Variants in UCHL3 observed in about 807,000 individuals in gnomAD.
The protein encoded by UCHL3 is ubiquitin C-terminal hydrolase L3, also known as ubiquitin carboxyl-terminal hydrolase isozyme L3.
In UCHL3, 22 loss-of-function variants were observed where a neutral mutation model predicts 35.8. The observed-to-expected ratio is 0.61, with a 90% CI of 0.44 to 0.88. The LOEUF (loss-of-function observed/expected upper bound fraction) is 0.88, where lower values mean the gene tolerates loss of function less well. Ranked by LOEUF, UCHL3 falls within the 40% of genes least tolerant of loss-of-function variation. The probability of loss-of-function intolerance (pLI) is 0.00; values close to 1 mark genes in which losing one functional copy is unlikely to be tolerated. For synonymous variants in UCHL3, 90 were observed against 92.8 expected (o/e 0.97, Z 0.17); for missense variants, 229 against 276.9 (o/e 0.83, Z 1.23).
intron 6 of UCHL3, among the ~76,000 whole-genome samples, chr13:75,592,448 A>ATATACATATATATATATGTATATATGTG (rs1555276758): frequency 3.4e-5 from 4 of 116,640 alleles, no homozygotes; most frequent in Non-Finnish European, 7.1e-5. Flanking sequence ...ATATATATAT[A>ATATACATATATATATATGTATATATGTG]TATATATATA....
intron 6 of UCHL3, among the ~76,000 whole-genome samples, chr13:75,592,945 A>C (rs937397598): frequency 4.6e-5 from 7 of 152,118 alleles, no homozygotes; most frequent in Admixed American, 4.6e-4. Flanking sequence ...TTAAACCTCG[A>C]GGTGGATAAG....
intron 6 of UCHL3, among the ~76,000 whole-genome samples, chr13:75,576,105 A>G (rs2032014659): frequency 6.6e-6 from 1 of 152,174 alleles, no homozygotes. Flanking sequence ...TGTTAAGACC[A>G]GTGTTTTATA....
At chr13:75,573,089 C>T (rs922882371) in intron 6 of UCHL3, among the ~76,000 whole-genome samples, 2 of 152,128 alleles carry the variant, frequency 1.3e-5, no homozygotes, top group African/African-American at 4.8e-5. Flanking sequence ...ACATGGTGAA[C>T]CCCGTCTCTA....
chr13:75,550,195 TG>T (rs2031033486), intron 2 of UCHL3, among the ~76,000 whole-genome samples: 1 of 152,226 alleles, frequency 6.6e-6, no homozygotes, highest in Non-Finnish European at 1.5e-5. Context: ...ACCACTCCTC[TG>T]GTCCCATTCT....
chr13:75,592,444 A>ACATATATATATATATGTATATATG (rs1483467319), intron 6 of UCHL3, among the ~76,000 whole-genome samples: 2 of 108,810 alleles, frequency 1.8e-5, no homozygotes, highest in African/African-American at 7.1e-5. Flanking sequence ...ATATATATAT[A>ACATATATATATATATGTATATATG]TATATATATA....
intron 3 of UCHL3, among the ~76,000 whole-genome samples, chr13:75,561,824 T>TATAC (rs1399564015): frequency 1.3e-5 from 1 of 74,336 alleles, no homozygotes; most frequent in African/African-American, 3.5e-5. Context: ...TATACGTATA[T>TATAC]ACGTACGTAT....
At chr13:75,581,322 ACC>A (rs896456614) in intron 6 of UCHL3, among the ~76,000 whole-genome samples, 39 of 150,528 alleles carry the variant, frequency 2.6e-4, no homozygotes, top group African/African-American at 7.3e-4. Flanking sequence ...CACTTGGAGT[ACC>A]CACCAAACTA....
intron 6 of UCHL3, among the ~76,000 whole-genome samples, chr13:75,592,434 A>ATG (rs2032513420): frequency 1.9e-5 from 2 of 102,646 alleles, no homozygotes; most frequent in Admixed American, 9.9e-5. Flanking sequence ...ATATATATAT[A>ATG]TATATATATA....
chr13:75,592,736 G>A (rs2032546080), intron 6 of UCHL3, among the ~76,000 whole-genome samples: 1 of 151,600 alleles, frequency 6.6e-6, no homozygotes, highest in Non-Finnish European at 1.5e-5. Context: ...TTTTATAATA[G>A]TTTGAAGGCT....
upstream of UCHL3, chr13:75,549,641 C>T (rs373126097): frequency 1.9e-4 from 107 of 556,052 alleles, 1 homozygote; most frequent in African/African-American, 1.8e-3. Context: ...TGACACTTGA[C>T]CTACGGCCCT....
At chr13:75,550,076 G>A in intron 2 of UCHL3, 89 bp downstream of exon 2, 1 of 1,591,082 alleles carries the variant, frequency 6.3e-7, no homozygotes, top group East Asian at 2.2e-5. Flanking sequence ...CACGCTTCCA[G>A]GGATTCTGGG....
chr13:75,552,504 A>G (rs969812591), intron 2 of UCHL3, among the ~76,000 whole-genome samples: 6 of 152,214 alleles, frequency 3.9e-5, no homozygotes, highest in African/African-American at 1.4e-4. Flanking sequence ...CATGTCTACT[A>G]TATGCAGATG....
chr13:75,581,511 G>T (rs1013451569), intron 6 of UCHL3, among the ~76,000 whole-genome samples: 2 of 122,712 alleles, frequency 1.6e-5, no homozygotes, highest in African/African-American at 5.8e-5. Flanking sequence ...CATCACACCT[G>T]GCTAATTTTT....
chr13:75,592,423 T>TAC (rs2032505377), intron 6 of UCHL3, among the ~76,000 whole-genome samples: 1 of 19,680 alleles, frequency 5.1e-5, no homozygotes, highest in African/African-American at 1.3e-4. Context: ...TTCATATATA[T>TAC]ATATATATAT....
At chr13:75,604,874 T>G (rs760792597) in intron 8 of UCHL3, 47 bp downstream of exon 8, 1 of 1,500,548 alleles carries the variant, frequency 6.7e-7, no homozygotes, top group East Asian at 2.4e-5. Flanking sequence ...TTTTGTCATC[T>G]TTAAAACATC....
Position 75,567,126 on chromosome 13 carries a change from G to A in UCHL3, c.341-101G>A, listed in dbSNP as rs985276357. On this transcript the variant is annotated intron_variant, in intron 4 of 8. Coordinates refer to ENST00000377595, the MANE Select transcript of UCHL3 (RefSeq NM_006002.5). ...TTACATTTCTAACCTACCAATGAAA[G>A]AATTTAACCTGAAAAATAGTAGCAT... 2.7e-5 allele frequency: 31 copies of A among 1,128,190 alleles called. 1 individual carries two copies. The Middle Eastern group carries it at 6.1e-4, about 22-fold the overall frequency. 69.9% of individuals were successfully genotyped at this position (1,128,190 alleles called of 1,614,324 possible).
Position 75,582,089 on chromosome 13 carries a change from G to A in UCHL3, c.474+12582G>A, listed in dbSNP as rs574243738. Among the ~76,000 whole-genome samples the A allele has an allele frequency of 3.3e-5, 5 of 152,218 alleles. No individual in the cohort carries two copies. The East Asian group carries it at 7.7e-4, about 24-fold the overall frequency. On this transcript the variant is annotated intron_variant, in intron 6 of 8. Coordinates refer to ENST00000377595, the MANE Select transcript of UCHL3 (RefSeq NM_006002.5). ...TGGCTTTCACACTCACTAGTTATGT[G>A]GCTTTGGGCAAGTCAAGTAGGTCCT...
At chr13:75,559,124 C>G (rs1420482286) in intron 2 of UCHL3, among the ~76,000 whole-genome samples, 2 of 146,154 alleles carry the variant, frequency 1.4e-5, no homozygotes, top group Non-Finnish European at 3.0e-5. Flanking sequence ...ACTGCAAGCT[C>G]CGCCTCCCGG....
chr13:75,550,007 C>T lies in UCHL3; in HGVS notation c.54+20C>T. On this transcript the variant is annotated intron_variant, in intron 2 of 8. Coordinates refer to ENST00000377595, the MANE Select transcript of UCHL3 (RefSeq NM_006002.5). ...AACCAGGTGAGTGAGGTGTCTGTCG[C>T]TCGGGACCTCGGAGTCTTTTCTGTC... 2 of 1,614,258 alleles carry T rather than the reference C, an allele frequency of 1.2e-6. No individual in the cohort carries two copies. Among genetic ancestry groups the T allele is most frequent in the South Asian group, 1.1e-5 (1 of 91,086 alleles).
Sources: gnomAD v4.1 joint callset for allele counts (sites outside exome capture counted in the v4.1 genomes callset) on GRCh38, gnomAD v4.1.1 for gene constraint, MANE v1.5 for transcripts, NCBI Gene and HGNC (gene_info 2026-07-23, HGNC 2026-07-21) for gene names.